UBE3C: variants seen among roughly 807,000 people sequenced by gnomAD.
UBE3C encodes ubiquitin-protein ligase E3C.
In UBE3C, 42 loss-of-function variants were observed where a neutral mutation model predicts 129.4. That is an observed-to-expected ratio of 0.32 (90% CI 0.25 to 0.42). The LOEUF is 0.42. Among genes scored for constraint, UBE3C ranks in the 10% least tolerant of loss-of-function variants. UBE3C has a pLI of 1.00. For missense variants in UBE3C, 1,049 were observed against 1,319.1 expected (o/e 0.80, Z 3.17); for synonymous variants, 510 against 492.4 (o/e 1.04, Z -0.47).
Position 157,267,668 on chromosome 7 carries a change from G to A in UBE3C, c.3165G>A (p.Leu1055=), listed in dbSNP as rs1797116961. The A allele has an allele frequency of 1.9e-6, 3 of 1,613,706 alleles. No individual in the cohort carries two copies. Among genetic ancestry groups the A allele is most frequent in the Admixed American group, 3.3e-5 (2 of 59,864 alleles). ...LPTASTCMNL[L]KLPEFYDETL... ...CAGCCAGCACCTGCATGAACCTGCT[G>A]AAGCTCCCCGAGTTCTATGACGAGA... is the stretch of plus-strand genomic sequence containing the variant. The change falls in exon 23 of 23, where the codon CTG becomes CTA. Residue 1055 remains leucine (L), a synonymous_variant. Transcript: ENST00000348165.
At chr7:157,250,697 A>G (rs1796599403) in intron 19 of UBE3C, among the ~76,000 whole-genome samples, 1 of 152,124 alleles carries the variant, frequency 6.6e-6, no homozygotes, top group Non-Finnish European at 1.5e-5. Context: ...CATAGAGCTG[A>G]ATTTTCACCA....
rs1563039142 is a variant in UBE3C, at chr7:157,171,703, T to TAGA, written c.342+1253_342+1254insAGA. 1.2e-3 allele frequency among the ~76,000 whole-genome samples: 46 copies of TAGA among 37,364 alleles called. 1 individual carries two copies. Among genetic ancestry groups the TAGA allele is most frequent in the African/African-American group, 0.01 (39 of 3,884 alleles). 24.5% of individuals were successfully genotyped at this position (37,364 alleles called of 152,430 possible). A position where few individuals can be genotyped will look rare whatever the true frequency, so the allele number is the denominator to read the frequency against. The stretch of plus-strand genomic sequence containing the variant: ...ATATATATATTTTTTTTTTTTTTTT[T>TAGA]TTTTTTTTTTTTTTTTTTTTTGAGA... On this transcript the variant is annotated intron_variant, in intron 4 of 22. Transcript: ENST00000348165.
At chr7:157,227,494 C>A (rs751595172) in intron 17 of UBE3C, among the ~76,000 whole-genome samples, 1 of 151,910 alleles carries the variant, frequency 6.6e-6, no homozygotes, top group Non-Finnish European at 1.5e-5. Context: ...GTCAGGAGAT[C>A]GAGACCAGCC....
At chr7:157,257,945 T>C (rs182494595) in intron 22 of UBE3C, among the ~76,000 whole-genome samples, 30 of 147,478 alleles carry the variant, frequency 2.0e-4, no homozygotes, top group Admixed American at 1.2e-3. Context: ...TTTCCTTTTT[T>C]CTTTTTTTTT....
intron 1 of UBE3C, among the ~76,000 whole-genome samples, chr7:157,151,044 G>T (rs920388069): frequency 1.3e-4 from 20 of 152,310 alleles, no homozygotes; most frequent in African/African-American, 4.8e-4. Context: ...AGCAGACAGA[G>T]CAGGGAGGAA....
At chr7:157,156,347 C>T (rs1165461250) in intron 1 of UBE3C, among the ~76,000 whole-genome samples, 1 of 140,224 alleles carries the variant, frequency 7.1e-6, no homozygotes, top group Non-Finnish European at 1.5e-5. Flanking sequence ...TGCTCTGTCA[C>T]CTGGGCTGGA....
chr7:157,146,871 G>T (rs1414750905), intron 1 of UBE3C, among the ~76,000 whole-genome samples: 1 of 152,156 alleles, frequency 6.6e-6, no homozygotes, highest in East Asian at 1.9e-4. Flanking sequence ...GGCTGGTCTT[G>T]AACTCCTGAC....
chr7:157,245,992 CAAAAAAA>C (rs56270719), intron 18 of UBE3C, among the ~76,000 whole-genome samples: 88 of 85,594 alleles, frequency 1.0e-3, no homozygotes, highest in South Asian at 7.4e-3. Flanking sequence ...GACTCCGTCT[CAAAAAAA>C]AAAAAAAAAA....
intron 11 of UBE3C, among the ~76,000 whole-genome samples, chr7:157,202,385 G>A (rs759215946): frequency 1.4e-4 from 21 of 152,188 alleles, no homozygotes; most frequent in Non-Finnish European, 2.4e-4. Flanking sequence ...GGCCGGGCGC[G>A]GTGGCTCACG....
intron 8 of UBE3C, among the ~76,000 whole-genome samples, 162 bp from the exon 9 acceptor site, chr7:157,183,716 G>A (rs1412220659): frequency 6.6e-6 from 1 of 152,146 alleles, no homozygotes; most frequent in African/African-American, 2.4e-5. Context: ...CATGAACGGG[G>A]ACAAAATCTA....
intron 18 of UBE3C, among the ~76,000 whole-genome samples, chr7:157,244,618 A>C (rs1796429414): frequency 1.3e-5 from 2 of 152,350 alleles, no homozygotes; most frequent in South Asian, 4.1e-4. Flanking sequence ...TTAATGTAGT[A>C]AATTACTGAA....
At chr7:157,240,992 A>T (rs1484305247) in intron 18 of UBE3C, among the ~76,000 whole-genome samples, 2 of 152,150 alleles carry the variant, frequency 1.3e-5, no homozygotes, top group East Asian at 3.9e-4. Context: ...CGGGAGAGGT[A>T]ATGGATGCGC....
chr7:157,161,438 A>G (rs1044682092), intron 1 of UBE3C, among the ~76,000 whole-genome samples: 2 of 147,188 alleles, frequency 1.4e-5, no homozygotes, highest in African/African-American at 5.2e-5. Flanking sequence ...CTGGAGGATT[A>G]ATTTCTTTGA....
At chr7:157,245,818 C>G (rs965907468) in intron 18 of UBE3C, among the ~76,000 whole-genome samples, 2 of 151,932 alleles carry the variant, frequency 1.3e-5, no homozygotes, top group Non-Finnish European at 2.9e-5. Flanking sequence ...TGGTGAAACT[C>G]CATCTCTACT....
chr7:157,261,214 G>C (rs1051376495), intron 22 of UBE3C, among the ~76,000 whole-genome samples: 35 of 148,696 alleles, frequency 2.4e-4, no homozygotes, highest in Non-Finnish European at 5.2e-4. Context: ...GCTGAGGCAG[G>C]AGAATGGCTT....
At chr7:157,193,408 C>T (rs1447777694) in intron 10 of UBE3C, among the ~76,000 whole-genome samples, 1 of 152,128 alleles carries the variant, frequency 6.6e-6, no homozygotes, top group Non-Finnish European at 1.5e-5. Context: ...CAGAGGATGC[C>T]ATGCTGTGGT....
At position 157,181,401 on chromosome 7, in the gene UBE3C, A is replaced by G. The variant is rs960866784; in HGVS notation, c.617-117A>G. ...TTTAGTTTTCCTTGCTAGCATGTTAAAGAACTAACTTAAGTTTGGACCTGT... is the reference window on the plus strand; with the variant it reads ...TTTAGTTTTCCTTGCTAGCATGTTAGAGAACTAACTTAAGTTTGGACCTGT... On this transcript the variant is annotated intron_variant, in intron 6 of 22. Coordinates refer to ENST00000348165, the MANE Select transcript of UBE3C (RefSeq NM_014671.3). 6.9e-6 allele frequency: 6 copies of G among 874,530 alleles called. No homozygotes were observed. The South Asian group carries it at 8.0e-5, about 12-fold the overall frequency. The allele number at this position is 874,530 out of a possible 1,614,324, so 54.2% of individuals were successfully genotyped here.
intron 8 of UBE3C, among the ~76,000 whole-genome samples, chr7:157,183,424 C>T (rs1411946105): frequency 6.6e-6 from 1 of 151,158 alleles, no homozygotes; most frequent in Non-Finnish European, 1.5e-5. Context: ...GCACTCCACA[C>T]TCTCGGCACC....
rs79979561 is a variant in UBE3C, at chr7:157,228,226, T to A, written c.2233+2687T>A. Among the ~76,000 whole-genome samples the A allele has an allele frequency of 4.3e-3, 652 of 152,344 alleles. 2 individuals carry two copies. The highest frequency in any genetic ancestry group is 0.015 in the African/African-American group (612 of 41,578). ...AGTTGACTGAGTGGAATGCAGAGAT[T>A]GATGGCTGTTCCTGCAGTTGGTGCT... On this transcript the variant is annotated intron_variant, in intron 17 of 22. Transcript: ENST00000348165.
Sources: allele counts gnomAD v4.1 joint callset (sites outside exome capture counted in the v4.1 genomes callset), GRCh38; gene constraint gnomAD v4.1.1; transcripts MANE v1.5; gene names NCBI Gene and HGNC (gene_info 2026-07-23, HGNC 2026-07-21).